CDKL3: variants seen among roughly 807,000 people sequenced by gnomAD.
The protein encoded by CDKL3 is cyclin-dependent kinase-like 3.
In CDKL3, 65 loss-of-function variants were observed where a neutral mutation model predicts 69.3. The ratio of observed to expected loss-of-function variants is 0.94; its 90% CI spans 0.77 to 1.15. The LOEUF is 1.15. Among genes scored for constraint, CDKL3 ranks in the 50% most tolerant of loss-of-function variants. The pLI, the probability that CDKL3 is intolerant of heterozygous loss-of-function variation, is 0.00. For missense variants in CDKL3, 652 were observed against 689.2 expected (o/e 0.95, Z 0.61); for synonymous variants, 202 against 221.6 (o/e 0.91, Z 0.79).
In CDKL3 at chr5:134,344,327, A is replaced by G. The variant is rs1751272762; in HGVS notation, c.539+5922T>C. Among the ~76,000 whole-genome samples the G allele has an allele frequency of 3.3e-5, 5 of 152,254 alleles. No individual in the cohort carries two copies. The South Asian group carries it at 6.2e-4, about 19-fold the overall frequency. On this transcript the variant is annotated intron_variant, in intron 4 of 12. Coordinates refer to ENST00000265334, the MANE Select transcript of CDKL3 (RefSeq NM_001113575.2). ...TTAAAATTAAAAACATTTGAAAATC[A>G]AAAGACAGAATCAAGAAAGTGAAGA...
chr5:134,293,945 A>C (rs1278729565), downstream of CDKL3, among the ~76,000 whole-genome samples: 2 of 152,056 alleles, frequency 1.3e-5, no homozygotes, highest in Admixed American at 6.6e-5. Context: ...CCATCTCAAC[A>C]AAAATAAGAA....
chr5:134,335,264 G>C (rs1330000773), intron 4 of CDKL3, among the ~76,000 whole-genome samples: 1 of 151,458 alleles, frequency 6.6e-6, no homozygotes, highest in Non-Finnish European at 1.5e-5. Flanking sequence ...GATGGGTCTT[G>C]ACTCTTTAAC....
chr5:134,332,652 T>C (rs972091741), intron 4 of CDKL3, among the ~76,000 whole-genome samples: 2 of 152,238 alleles, frequency 1.3e-5, no homozygotes, highest in African/African-American at 2.4e-5. Context: ...CATTGGTCTA[T>C]ATATCTGTTT....
intron 2 of CDKL3, among the ~76,000 whole-genome samples, chr5:134,362,883 G>A (rs1011108424): frequency 2.0e-5 from 3 of 152,168 alleles, no homozygotes; most frequent in Non-Finnish European, 4.4e-5. Flanking sequence ...AGCCAGGATC[G>A]TGCCACTGCA....
chr5:134,338,717 TA>T (rs978925171), intron 4 of CDKL3, among the ~76,000 whole-genome samples: 1 of 149,098 alleles, frequency 6.7e-6, no homozygotes, highest in East Asian at 2.0e-4. Context: ...ACACAGATAG[TA>T]AAAAAAATTA....
At chr5:134,327,335 C>T (rs1401816807) in intron 4 of CDKL3, among the ~76,000 whole-genome samples, 2 of 152,192 alleles carry the variant, frequency 1.3e-5, no homozygotes, top group Non-Finnish European at 1.5e-5. Flanking sequence ...CCATATCTCA[C>T]TAAGTAGTCA....
chr5:134,294,380 A>C (rs903124404), downstream of CDKL3, among the ~76,000 whole-genome samples: 2 of 152,178 alleles, frequency 1.3e-5, no homozygotes, highest in African/African-American at 4.8e-5. Context: ...GGTAATCTAC[A>C]TAAGACCTAT....
intron 4 of CDKL3, among the ~76,000 whole-genome samples, chr5:134,338,799 A>C (rs1247325858): frequency 6.6e-6 from 1 of 152,200 alleles, no homozygotes; most frequent in Non-Finnish European, 1.5e-5. Context: ...GAGCAAGAAA[A>C]CAACATGAGA....
chr5:134,285,574 T>C (rs1023994848), downstream of CDKL3, among the ~76,000 whole-genome samples: 5 of 152,220 alleles, frequency 3.3e-5, no homozygotes, highest in Admixed American at 6.5e-5. Flanking sequence ...GGGTCTGTAA[T>C]GGGAGGGGCT....
At chr5:134,309,252 T>C (rs971295084) in intron 7 of CDKL3, among the ~76,000 whole-genome samples, 1 of 152,192 alleles carries the variant, frequency 6.6e-6, no homozygotes, top group African/African-American at 2.4e-5. Context: ...CCAGCTAATT[T>C]TGTATTTTTA....
chr5:134,351,236 A>G (rs1753229958), intron 3 of CDKL3, among the ~76,000 whole-genome samples: 1 of 152,130 alleles, frequency 6.6e-6, no homozygotes, highest in Admixed American at 6.6e-5. Flanking sequence ...TTCCTAAAAC[A>G]TAGGGTCCTT....
At chr5:134,362,354 T>C (rs1334859237) in intron 2 of CDKL3, among the ~76,000 whole-genome samples, 1 of 152,242 alleles carries the variant, frequency 6.6e-6, no homozygotes, top group South Asian at 2.1e-4. Flanking sequence ...ACGCTGTCTC[T>C]ACTAAAAATA....
At position 134,306,679 on chromosome 5, in the gene CDKL3, CT is replaced by C. The variant is rs1767927387; in HGVS notation, c.1387del (p.Arg463AspfsTer50). 4 of 1,553,854 alleles carry C rather than the reference CT, an allele frequency of 2.6e-6. No homozygotes were observed. Among genetic ancestry groups the C allele is most frequent in the Middle Eastern group, 1.7e-4 (1 of 5,852 alleles). The part of the protein sequence containing the change: ...SVRLTERAKK[R>X]RTSSQSIGQV... ...TCCAATAGATTGTGAAGAAGTGCGTCTCTTTTTTGCTCTTTCAGTTAACCTA... is the reference window on the plus strand; with the variant it reads ...TCCAATAGATTGTGAAGAAGTGCGTCCTTTTTTGCTCTTTCAGTTAACCTA... On this transcript the variant is annotated frameshift_variant, in exon 10 of 13. Coordinates refer to ENST00000265334, the MANE Select transcript of CDKL3 (RefSeq NM_001113575.2). LOFTEE classifies it high-confidence loss of function.
At chr5:134,343,050 T>A (rs1426638720) in intron 4 of CDKL3, among the ~76,000 whole-genome samples, 2 of 151,848 alleles carry the variant, frequency 1.3e-5, no homozygotes, top group African/African-American at 4.8e-5. Flanking sequence ...ACAAAAAATT[T>A]AAAAATTAGC....
chr5:134,290,098 G>A (rs761442810), intron 8 of CDKL3, among the ~76,000 whole-genome samples: 28 of 152,156 alleles, frequency 1.8e-4, no homozygotes, highest in Middle Eastern at 6.8e-3. Context: ...GCTCACACCC[G>A]TAATCCCAGC....
chr5:134,298,601 C>T lies in CDKL3; in HGVS notation c.*50G>A, dbSNP rs1008672948. ...ACACTTCTATTGTAGATAAATAAAACGGGAAGAGTTGTCATCTTGTATTTT... is the reference window on the plus strand; with the variant it reads ...ACACTTCTATTGTAGATAAATAAAATGGGAAGAGTTGTCATCTTGTATTTT... On this transcript the variant is annotated 3_prime_UTR_variant, in exon 13 of 13. Transcript: ENST00000265334. 36 of 1,593,876 alleles carry T rather than the reference C, an allele frequency of 2.3e-5. No homozygotes were observed. The highest frequency in any genetic ancestry group is 2.9e-5 in the Non-Finnish European group (34 of 1,172,564).
intron 8 of CDKL3, among the ~76,000 whole-genome samples, chr5:134,288,176 G>A (rs763338465): frequency 9.6e-4 from 146 of 152,290 alleles, no homozygotes; most frequent in African/African-American, 3.3e-3. Context: ...TTATAGGCAT[G>A]AGCCACCAAG....
chr5:134,302,617 G>T lies in CDKL3; in HGVS notation c.1692C>A (p.Asn564Lys). The T allele has an allele frequency of 1.3e-6, 2 of 1,593,366 alleles. No individual in the cohort carries two copies. The highest frequency in any genetic ancestry group is 1.7e-6 in the Non-Finnish European group (2 of 1,166,046). Residue 564 changes from asparagine (N) to lysine (K), a missense_variant, in exon 12 of 13, where the codon AAC becomes AAA. By Grantham distance (94) the Asn-to-Lys change is moderately conservative. Transcript: ENST00000265334. ...CTTGTTTTTCTTGATTTTGATCCAC[G>T]TTAAGTAAAGTTGGTATCTTAGATG... is the stretch of plus-strand genomic sequence containing the variant. ...TESSKIPTLL[N>K]VDQNQEKQEG...
At chr5:134,284,870 A>C (rs1764789224), downstream of CDKL3, among the ~76,000 whole-genome samples, 3 of 152,126 alleles carry the variant, frequency 2.0e-5, no homozygotes, top group Non-Finnish European at 1.5e-5. Flanking sequence ...CTGTTATCCT[A>C]TTCTTTTTTA....
Sources: gnomAD v4.1 joint callset for allele counts (sites outside exome capture counted in the v4.1 genomes callset) on GRCh38, gnomAD v4.1.1 for gene constraint, MANE v1.5 for transcripts, NCBI Gene and HGNC (gene_info 2026-07-23, HGNC 2026-07-21) for gene names.